Variants in ZC3H3 observed in about 807,000 individuals in gnomAD.
ZC3H3 encodes zinc finger CCCH domain-containing protein 3.
A neutral mutation model predicts 77.3 loss-of-function variants in ZC3H3; 36 were observed. The ratio of observed to expected loss-of-function variants is 0.47; its 90% CI spans 0.36 to 0.61. ZC3H3 has a LOEUF of 0.61. ZC3H3 is among the 20% of genes least tolerant of loss of function. The pLI is 0.00. For missense variants in ZC3H3, 1,331 were observed against 1,312.2 expected (o/e 1.01, Z -0.22); for synonymous variants, 626 against 555.2 (o/e 1.13, Z -1.79).
intron 3 of ZC3H3, among the ~76,000 whole-genome samples, chr8:143,508,119 C>T (rs938294352): frequency 4.6e-5 from 7 of 152,238 alleles, no homozygotes; most frequent in African/African-American, 1.7e-4. Context: ...CTCTGAGAGG[C>T]GGGCACCAGC....
At chr8:143,443,623 G>A (rs1819800782) in intron 9 of ZC3H3, among the ~76,000 whole-genome samples, 1 of 152,096 alleles carries the variant, frequency 6.6e-6, no homozygotes. Flanking sequence ...CAAAGCAGAG[G>A]GAAAGAAAAA....
intron 5 of ZC3H3, among the ~76,000 whole-genome samples, chr8:143,472,964 C>T (rs1335027694): frequency 6.6e-6 from 1 of 152,194 alleles, no homozygotes; most frequent in African/African-American, 2.4e-5. Flanking sequence ...AGTAGGCATC[C>T]CCTCCCTGGC....
At chr8:143,472,370 G>A (rs957426479) in intron 5 of ZC3H3, among the ~76,000 whole-genome samples, 3 of 152,232 alleles carry the variant, frequency 2.0e-5, no homozygotes, top group Non-Finnish European at 4.4e-5. Context: ...CTCTGCGCCC[G>A]CCAGGGCTCT....
At chr8:143,490,589 G>A (rs1347534308) in intron 4 of ZC3H3, among the ~76,000 whole-genome samples, 1 of 152,260 alleles carries the variant, frequency 6.6e-6, no homozygotes, top group Admixed American at 6.5e-5. Flanking sequence ...GGTGAGATCT[G>A]GCTGGAGGAT....
intron 4 of ZC3H3, among the ~76,000 whole-genome samples, chr8:143,476,959 C>T (rs140467875): frequency 2.6e-4 from 40 of 152,320 alleles, no homozygotes; most frequent in African/African-American, 8.9e-4. Context: ...AGGTGGGGCT[C>T]GCTTGTCTGG....
At chr8:143,488,423 C>T (rs1249958416) in intron 4 of ZC3H3, among the ~76,000 whole-genome samples, 3 of 136,052 alleles carry the variant, frequency 2.2e-5, no homozygotes, top group Non-Finnish European at 4.6e-5. Context: ...CCCATCACCA[C>T]GAAGCTCACA....
chr8:143,467,240 T>G (rs936069725), intron 8 of ZC3H3, among the ~76,000 whole-genome samples: 5 of 152,154 alleles, frequency 3.3e-5, no homozygotes, highest in African/African-American at 1.2e-4. Context: ...GGAGCTCCTC[T>G]TGGCTGTCAG....
intron 3 of ZC3H3, among the ~76,000 whole-genome samples, chr8:143,531,021 G>A (rs1317724568): frequency 2.0e-5 from 3 of 147,896 alleles, no homozygotes; most frequent in South Asian, 2.1e-4. Context: ...GTGCAGTGGT[G>A]CGATCATGGC....
chr8:143,437,871 G>C lies in ZC3H3; in HGVS notation c.*185C>G. 1 of 787,580 alleles carries C rather than the reference G, an allele frequency of 1.3e-6. No individual in the cohort carries two copies. Among genetic ancestry groups the C allele is most frequent in the South Asian group, 1.7e-5 (1 of 59,604 alleles). The allele number at this position is 787,580 out of a possible 1,614,324, so 48.8% of individuals were successfully genotyped here. ...ACAGGGGCCTGGCTTGGGGGAGGAA[G>C]ACCAGGCCCTGCGCACACGCTGGTC... On this transcript the variant is annotated 3_prime_UTR_variant, in exon 12 of 12. Coordinates refer to ENST00000262577, the MANE Select transcript of ZC3H3 (RefSeq NM_015117.3).
intron 5 of ZC3H3, among the ~76,000 whole-genome samples, chr8:143,470,423 C>T (rs1406365501): frequency 1.3e-5 from 2 of 152,192 alleles, no homozygotes. Flanking sequence ...GAGGGACCAA[C>T]GCGGGGGTGC....
intron 5 of ZC3H3, among the ~76,000 whole-genome samples, chr8:143,473,648 G>C (rs1328129598): frequency 6.6e-6 from 1 of 152,222 alleles, no homozygotes; most frequent in Admixed American, 6.5e-5. Flanking sequence ...AGCCAACGTG[G>C]GGCTTGGCCT....
chr8:143,534,648 C>G (rs1822734980), intron 3 of ZC3H3, among the ~76,000 whole-genome samples: 2 of 96,440 alleles, frequency 2.1e-5, no homozygotes, highest in Admixed American at 1.0e-4. Flanking sequence ...CTCCCCAACC[C>G]CTCCTCCCCA....
At chr8:143,471,914 C>T (rs1032158084) in intron 5 of ZC3H3, among the ~76,000 whole-genome samples, 5 of 152,234 alleles carry the variant, frequency 3.3e-5, no homozygotes, top group Admixed American at 1.3e-4. Flanking sequence ...CATGGCGAGG[C>T]GGGGCCGGTG....
In ZC3H3 at chr8:143,533,052, G is replaced by A. The variant is rs188259057; in HGVS notation, c.1561+3205C>T. 3.2e-4 allele frequency among the ~76,000 whole-genome samples: 48 copies of A among 152,186 alleles called. No homozygotes were observed. The East Asian group carries it at 5.4e-3, about 17-fold the overall frequency. On this transcript the variant is annotated intron_variant, in intron 3 of 11. Transcript: ENST00000262577. This position sits in a 1 kb window ranked among gnomAD's most constrained non-coding sequence, Gnocchi z 4.0. ...CAGGTCCTCCCGACTCTGCCCACTC[G>A]GGCCTGCCAGACACCCCGGGGCCCT... is the stretch of plus-strand genomic sequence containing the variant.
At chr8:143,523,278 G>A in intron 3 of ZC3H3, 1 of 977,776 alleles carries the variant, frequency 1.0e-6, no homozygotes, top group African/African-American at 1.7e-5. Context: ...CGTCCCCAGG[G>A]GCTATAGCAA....
chr8:143,512,002 G>A (rs1821884268), intron 3 of ZC3H3, among the ~76,000 whole-genome samples: 1 of 152,266 alleles, frequency 6.6e-6, no homozygotes, highest in Non-Finnish European at 1.5e-5. Context: ...ACGGCGTGGG[G>A]CCCACGAAGG....
At chr8:143,518,911 A>AGCCC (rs1822149890) in intron 3 of ZC3H3, among the ~76,000 whole-genome samples, 1 of 152,260 alleles carries the variant, frequency 6.6e-6, no homozygotes, top group South Asian at 2.1e-4. Flanking sequence ...CCCGGCAGGC[A>AGCCC]GCCCATTGCC....
chr8:143,527,051 G>C (rs957788476), intron 3 of ZC3H3, among the ~76,000 whole-genome samples: 1 of 152,156 alleles, frequency 6.6e-6, no homozygotes, highest in Non-Finnish European at 1.5e-5. Context: ...GGTGGCCATC[G>C]GGACGGCCCT....
rs185947367 is a variant in ZC3H3, at chr8:143,477,192, G to T, written c.1716-1607C>A. On this transcript the variant is annotated intron_variant, in intron 4 of 11. Transcript: ENST00000262577. ...TCCAAGGGCCCATTAGAGAGAGAAT[G>T]GGAGCAGAGAGAGCCCGGTGCCGGG... 5.3e-5 allele frequency among the ~76,000 whole-genome samples: 8 copies of T among 152,362 alleles called. No individual in the cohort carries two copies. In the South Asian group the frequency reaches 1.4e-3, roughly 28 times the overall value.
Sources: gnomAD v4.1 joint callset for allele counts (sites outside exome capture counted in the v4.1 genomes callset) on GRCh38, gnomAD v4.1.1 for gene constraint, Gnocchi (gnomAD v3.1) non-coding constraint, MANE v1.5 for transcripts, NCBI Gene and HGNC (gene_info 2026-07-23, HGNC 2026-07-21) for gene names.